Variants in CRLF2 observed in about 807,000 individuals in gnomAD.
The protein encoded by CRLF2 is cytokine receptor-like factor 2.
In CRLF2, 41 loss-of-function variants were observed where a neutral mutation model predicts 38.7. That is an observed-to-expected ratio of 1.06 (90% confidence interval 0.83 to 1.37). The LOEUF (loss-of-function observed/expected upper bound fraction) is 1.37, where lower values mean the gene tolerates loss of function less well. Ranked by LOEUF, CRLF2 falls within the 40% of genes most tolerant of loss-of-function variation. CRLF2 has a pLI of 0.00. For synonymous variants in CRLF2, 140 were observed against 128.8 expected (o/e 1.09, Z -0.59); for missense variants, 377 against 322.2 (o/e 1.17, Z -1.30).
At chrX:1,191,927 C>T (rs1302449557) in intron 7 of CRLF2, among the ~76,000 whole-genome samples, 26 of 151,798 alleles carry the variant, frequency 1.7e-4, no homozygotes, top group African/African-American at 5.6e-4. Flanking sequence ...TTGAGCCAGC[C>T]GGCCGCAGTG....
chrX:1,197,489 G>A (rs368562284), intron 5 of CRLF2, among the ~76,000 whole-genome samples: 11 of 151,998 alleles, frequency 7.2e-5, no homozygotes, highest in Admixed American at 6.6e-4. Flanking sequence ...TCGTGTGTTG[G>A]TGGCTGTGCT....
rs1409774668 is a variant in CRLF2, at chrX:1,193,672, C to T, written c.768-370G>A. Among the ~76,000 whole-genome samples the T allele has an allele frequency of 3.3e-5, 5 of 150,428 alleles. No homozygotes were observed. In the Admixed American group the frequency reaches 3.3e-4, roughly 10 times the overall value. Reference sequence around the variant, plus strand: ...TGGTGGGCACCTGTAGTCCCAGCTACTCGGGAGGCTGAGGCTGGAGAATGG... The same window carrying T: ...TGGTGGGCACCTGTAGTCCCAGCTATTCGGGAGGCTGAGGCTGGAGAATGG... On this transcript the variant is annotated intron_variant, in intron 6 of 7. Coordinates refer to ENST00000400841, the MANE Select transcript of CRLF2 (RefSeq NM_022148.4).
chrX:1,207,918 GTCT>G (rs2086721799), intron 2 of CRLF2, among the ~76,000 whole-genome samples: 2 of 152,130 alleles, frequency 1.3e-5, no homozygotes, highest in East Asian at 1.9e-4. Context: ...CCAACGGTGA[GTCT>G]TATTTTCCAA....
At chrX:1,197,012 C>T (rs1402459958) in intron 5 of CRLF2, 112 bp from the exon 6 acceptor site, 46 of 873,984 alleles carry the variant, frequency 5.3e-5, no homozygotes, top group Admixed American at 2.8e-4. Context: ...TTTTGGTGTT[C>T]GTTTTTTTTT....
intron 3 of CRLF2, 115 bp from the exon 4 acceptor site, chrX:1,202,650 T>C (rs2086628916): frequency 8.5e-7 from 1 of 1,180,912 alleles, no homozygotes; most frequent in African/African-American, 1.5e-5. Context: ...CCTTATGGTG[T>C]CTCGGGGTTC....
At chrX:1,192,186 C>A (rs1202858852) in intron 7 of CRLF2, among the ~76,000 whole-genome samples, 50 of 119,004 alleles carry the variant, frequency 4.2e-4, no homozygotes, top group Middle Eastern at 6.5e-3. Context: ...GCCTGGGCGA[C>A]AGAGCGAGAC....
rs1398929138 is a variant in CRLF2 at position 1,212,572 on chromosome X, C to G, written c.63G>C (p.Leu21Phe). The part of the protein sequence containing the change: ...AVFLLGGWMA[L>F]GQGGAAEGVQ... ...AATAATTACCTGCTCCTCCTTGCCCCAAAGCCATCCAGCCTCCCAGCAGAA... is the reference window on the plus strand; with the variant it reads ...AATAATTACCTGCTCCTCCTTGCCCGAAAGCCATCCAGCCTCCCAGCAGAA... Residue 21 changes from leucine (L) to phenylalanine (F), a missense_variant, in exon 1 of 8, where the codon TTG becomes TTC. Physicochemically the swap from Leu to Phe is conservative, Grantham distance 22 (BLOSUM62 0). Coordinates refer to ENST00000400841, the MANE Select transcript of CRLF2 (RefSeq NM_022148.4). 2 of 1,612,664 alleles carry G rather than the reference C, an allele frequency of 1.2e-6. No individual in the cohort carries two copies. Among genetic ancestry groups the G allele is most frequent in the Admixed American group, 1.7e-5 (1 of 59,870 alleles).
chrX:1,192,916 C>T (rs1279949215), intron 7 of CRLF2, among the ~76,000 whole-genome samples: 20 of 151,048 alleles, frequency 1.3e-4, no homozygotes, highest in African/African-American at 3.4e-4. Context: ...ACAGTTCAAG[C>T]GATTCTCCTG....
rs371179927 is a variant in CRLF2, at chrX:1,202,395, G to A, written c.483+7C>T. ...CCATCGCCCTGAGTCGCGGCCGCCCGGCTCACCTGCCACTCGGTGTCGAAG... is the reference window on the plus strand; with the variant it reads ...CCATCGCCCTGAGTCGCGGCCGCCCAGCTCACCTGCCACTCGGTGTCGAAG... On this transcript the variant is annotated splice_region_variant and intron_variant, in intron 4 of 7. Transcript: ENST00000400841. 344 of 1,613,448 alleles carry A rather than the reference G, an allele frequency of 2.1e-4. 4 individuals are homozygous for A. The South Asian group carries it at 3.4e-3, about 16-fold the overall frequency.
At chrX:1,211,753 ATAAAAGTG>A (rs1419682914) in intron 1 of CRLF2, among the ~76,000 whole-genome samples, 1,328 of 47,448 alleles carry the variant, frequency 0.028, 21 homozygotes, top group African/African-American at 0.053. Flanking sequence ...GGATAAGTGG[ATAAAAGTG>A]TGGGTGAATG....
chrX:1,203,526 G>A (rs1441429839), intron 3 of CRLF2, among the ~76,000 whole-genome samples: 1 of 151,884 alleles, frequency 6.6e-6, no homozygotes, highest in Non-Finnish European at 1.5e-5. Flanking sequence ...AGATCATCCT[G>A]GAGTAGGGTG....
chrX:1,204,711 G>C (rs1419794099), intron 3 of CRLF2, among the ~76,000 whole-genome samples: 1 of 150,432 alleles, frequency 6.6e-6, no homozygotes, highest in African/African-American at 2.5e-5. Context: ...ATTTTTAATA[G>C]AGACGGGGTT....
chrX:1,197,484 T>C (rs1395978897), intron 5 of CRLF2, among the ~76,000 whole-genome samples: 1 of 151,958 alleles, frequency 6.6e-6, no homozygotes, highest in African/African-American at 2.4e-5. Context: ...TGCTTTCGTG[T>C]GTTGGTGGCT....
rs1364238487 is a variant in CRLF2, at chrX:1,192,159, C to A, written c.853-999G>T. On this transcript the variant is annotated intron_variant, in intron 7 of 7. Coordinates refer to ENST00000400841, the MANE Select transcript of CRLF2 (RefSeq NM_022148.4). ...GGTGGAGCTTGCAGTGAGCCGAGAT[C>A]CCGCCACTGCACTCCAGCCTGGGCG... 8.3e-5 allele frequency among the ~76,000 whole-genome samples: 12 copies of A among 144,538 alleles called. No homozygotes were observed. In the Admixed American group the frequency reaches 8.4e-4, roughly 10 times the overall value. 94.8% of individuals were successfully genotyped at this position (144,538 alleles called of 152,430 possible). A position where few individuals can be genotyped will look rare whatever the true frequency, so the allele number is the denominator to read the frequency against.
rs149225547 is a variant in CRLF2 at position 1,207,862 on chromosome X, A to G, written c.182+944T>C. 1.1e-4 allele frequency among the ~76,000 whole-genome samples: 16 copies of G among 147,500 alleles called. No individual in the cohort carries two copies. The East Asian group carries it at 3.1e-3, about 28-fold the overall frequency. On this transcript the variant is annotated intron_variant, in intron 2 of 7. Transcript: ENST00000400841. ...TTGGGGTTTCACCATGTTGGCCAGG[A>G]TGGTCTGGAACTCCTGATCTCAGAT... is the stretch of plus-strand genomic sequence containing the variant.
chrX:1,193,497 G>A (rs1401712606), intron 6 of CRLF2, among the ~76,000 whole-genome samples, 195 bp from the exon 7 acceptor site: 1 of 152,102 alleles, frequency 6.6e-6, no homozygotes, highest in Non-Finnish European at 1.5e-5. Flanking sequence ...CCATCAGGAG[G>A]CCGGGAGTGG....
At chrX:1,194,770 G>T in intron 6 of CRLF2, among the ~76,000 whole-genome samples, 1 of 152,080 alleles carries the variant, frequency 6.6e-6, no homozygotes, top group Admixed American at 6.6e-5. Flanking sequence ...GGTGGCTCAC[G>T]CCTGTCATCC....
chrX:1,195,066 A>T (rs2086453398), intron 6 of CRLF2, among the ~76,000 whole-genome samples: 1 of 150,310 alleles, frequency 6.7e-6, no homozygotes, highest in African/African-American at 2.4e-5. Context: ...TAAGAAAATG[A>T]CTCAACCTCC....
chrX:1,208,551 C>T (rs2086731870), intron 2 of CRLF2, among the ~76,000 whole-genome samples: 1 of 152,052 alleles, frequency 6.6e-6, no homozygotes, highest in Non-Finnish European at 1.5e-5. Context: ...GAGTGAGACT[C>T]CGACTCAAAA....
Sources: gnomAD v4.1 joint callset for allele counts (sites outside exome capture counted in the v4.1 genomes callset) on GRCh38, gnomAD v4.1.1 for gene constraint, MANE v1.5 for transcripts, NCBI Gene and HGNC (gene_info 2026-07-23, HGNC 2026-07-21) for gene names.